Variants in PLD1 observed in about 807,000 individuals in gnomAD.
The protein encoded by PLD1 is phospholipase D1.
A neutral mutation model predicts 137.1 loss-of-function variants in PLD1; 112 were observed. That is an observed-to-expected ratio of 0.82 (90% CI 0.70 to 0.96). The LOEUF (loss-of-function observed/expected upper bound fraction) is 0.96. Ranked by LOEUF, PLD1 falls within the 40% of genes least tolerant of loss-of-function variation. The pLI, the probability that PLD1 is intolerant of heterozygous loss-of-function variation, is 0.00. For synonymous variants in PLD1, 431 were observed against 454.7 expected (o/e 0.95, Z 0.66); for missense variants, 1,321 against 1,342.0 (o/e 0.98, Z 0.24).
chr3:171,734,514 C>T (rs759863416), intron 5 of PLD1, among the ~76,000 whole-genome samples: 8 of 152,128 alleles, frequency 5.3e-5, no homozygotes, highest in African/African-American at 1.2e-4. Context: ...ATTACAAACA[C>T]GGAAACTTAT....
intron 12 of PLD1, among the ~76,000 whole-genome samples, chr3:171,697,958 G>T (rs1187988657): frequency 6.6e-6 from 1 of 152,176 alleles, no homozygotes; most frequent in Non-Finnish European, 1.5e-5. Flanking sequence ...AATACATATT[G>T]ATTGAAACCT....
At chr3:171,632,190 T>A (rs1046863379) in intron 23 of PLD1, among the ~76,000 whole-genome samples, 2 of 152,060 alleles carry the variant, frequency 1.3e-5, no homozygotes, top group Non-Finnish European at 2.9e-5. Context: ...ATAATGGACA[T>A]ACCCAAATTG....
At chr3:171,640,740 C>T (rs900853933) in intron 23 of PLD1, among the ~76,000 whole-genome samples, 3 of 152,172 alleles carry the variant, frequency 2.0e-5, no homozygotes, top group African/African-American at 7.2e-5. Context: ...ACGTGCATTG[C>T]CCTGGGCCGT....
intron 18 of PLD1, 44 bp downstream of exon 18, chr3:171,676,671 G>T (rs750685786): frequency 2.1e-6 from 3 of 1,447,828 alleles, no homozygotes; most frequent in Non-Finnish European, 2.9e-6. Flanking sequence ...AGTTAGGCCT[G>T]CCTCTCTTCA....
In PLD1 at chr3:171,605,981, G is replaced by A. The variant is rs9839428; in HGVS notation, c.2883-565C>T. On this transcript the variant is annotated intron_variant, in intron 25 of 26. Transcript: ENST00000351298. ...AGTGTAGACATCAGTGCAGAGGAGT[G>A]ACAGAATCTGACTTACATATTAAAA... Among the ~76,000 whole-genome samples the A allele has an allele frequency of 6.1e-3, 927 of 152,270 alleles. 6 individuals carry two copies. The highest frequency in any genetic ancestry group is 0.018 in the African/African-American group (762 of 41,554).
intron 1 of PLD1, among the ~76,000 whole-genome samples, chr3:171,755,216 C>G (rs76587693): frequency 1.0e-3 from 154 of 152,186 alleles, no homozygotes; most frequent in Non-Finnish European, 1.8e-3. Context: ...TCTCTCACCC[C>G]CTTTTCAAAG....
chr3:171,686,567 T>G (rs1289834562), intron 16 of PLD1, 118 bp downstream of exon 16: 3 of 661,670 alleles, frequency 4.5e-6, no homozygotes, highest in Admixed American at 4.9e-5. Flanking sequence ...ATAATATACG[T>G]AGCATAAAAA....
At chr3:171,611,617 C>G (rs1250380444) in intron 25 of PLD1, 1 of 518,774 alleles carries the variant, frequency 1.9e-6, no homozygotes, top group East Asian at 5.4e-5. Context: ...ATCTTCGACA[C>G]CTGGAGTCAT....
intron 19 of PLD1, among the ~76,000 whole-genome samples, chr3:171,666,509 G>A (rs1712168066): frequency 6.6e-6 from 1 of 152,226 alleles, no homozygotes; most frequent in South Asian, 2.1e-4. Flanking sequence ...TGAGATTTGT[G>A]TGGAAACACA....
chr3:171,705,144 G>C (rs1716580565), intron 11 of PLD1, among the ~76,000 whole-genome samples: 1 of 152,226 alleles, frequency 6.6e-6, no homozygotes, highest in African/African-American at 2.4e-5. Flanking sequence ...ATAGCGGAAA[G>C]AGTCAATGAA....
intron 23 of PLD1, among the ~76,000 whole-genome samples, chr3:171,621,771 T>A (rs1209256572): frequency 1.3e-5 from 2 of 152,202 alleles, no homozygotes; most frequent in East Asian, 3.8e-4. Flanking sequence ...TTTGTTAATG[T>A]TATATTGGAA....
intron 6 of PLD1, among the ~76,000 whole-genome samples, chr3:171,728,110 G>A (rs1377498888): frequency 2.0e-5 from 3 of 152,150 alleles, no homozygotes; most frequent in Non-Finnish European, 2.9e-5. Context: ...AAGAGTTCAA[G>A]ACCAGCCTGG....
intron 11 of PLD1, among the ~76,000 whole-genome samples, 187 bp from the exon 12 acceptor site, chr3:171,700,013 C>T (rs1252846542): frequency 1.3e-5 from 2 of 151,834 alleles, no homozygotes; most frequent in African/African-American, 2.4e-5. Flanking sequence ...TTTAGCTATA[C>T]AAAACATCAA....
intron 1 of PLD1, among the ~76,000 whole-genome samples, chr3:171,741,447 A>G (rs951909070): frequency 6.6e-6 from 1 of 152,180 alleles, no homozygotes; most frequent in Non-Finnish European, 1.5e-5. Context: ...TCTTTCATCT[A>G]AAATAATCTA....
intron 21 of PLD1, among the ~76,000 whole-genome samples, chr3:171,657,881 C>T (rs9871544): frequency 8.6e-5 from 13 of 151,544 alleles, no homozygotes; most frequent in African/African-American, 1.9e-4. Flanking sequence ...GACAAGCCAT[C>T]GAATGGGAGA....
intron 1 of PLD1, among the ~76,000 whole-genome samples, chr3:171,767,678 C>A (rs2108324175): frequency 6.6e-6 from 1 of 152,234 alleles, no homozygotes; most frequent in African/African-American, 2.4e-5. Context: ...GAATAGTTTC[C>A]TCAACTGTAA....
At chr3:171,610,704 A>G (rs1325088668) in intron 25 of PLD1, among the ~76,000 whole-genome samples, 3 of 152,254 alleles carry the variant, frequency 2.0e-5, no homozygotes, top group East Asian at 1.9e-4. Context: ...TAGGCAATCA[A>G]TGGGTTAATT....
At chr3:171,753,920 A>G (rs1720840642) in intron 1 of PLD1, among the ~76,000 whole-genome samples, 1 of 152,076 alleles carries the variant, frequency 6.6e-6, no homozygotes, top group East Asian at 1.9e-4. Flanking sequence ...ATGCTCTCCA[A>G]ACTCAGCCTT....
intron 1 of PLD1, among the ~76,000 whole-genome samples, chr3:171,758,650 C>G (rs1393668119): frequency 3.9e-5 from 6 of 152,142 alleles, no homozygotes. Flanking sequence ...TAGACTAGAT[C>G]CAAAGTAAAA....
Sources: allele counts gnomAD v4.1 joint callset (sites outside exome capture counted in the v4.1 genomes callset), GRCh38; gene constraint gnomAD v4.1.1; transcripts MANE v1.5; gene names NCBI Gene and HGNC (gene_info 2026-07-23, HGNC 2026-07-21).